Variants in CAMTA1 observed in about 807,000 individuals in gnomAD.
CAMTA1 encodes the protein calmodulin binding transcription activator 1.
Under a neutral mutation model 170.9 loss-of-function variants are expected in CAMTA1, and 27 were observed. The observed-to-expected ratio is 0.16, with a 90% CI of 0.12 to 0.22. The LOEUF is 0.22. Among genes scored for constraint, CAMTA1 ranks in the 10% least tolerant of loss-of-function variants. The pLI is 1.00. For missense variants in CAMTA1, 1,619 were observed against 2,217.2 expected, an observed-to-expected ratio of 0.73 and a Z score of 5.42; for synonymous variants, 833 against 891.5, an observed-to-expected ratio of 0.93 and a Z score of 1.17.
rs1244367342 is a variant in CAMTA1, at chr1:7,007,020, A to AAC, written c.235-84283_235-84282insCA. 8.6e-5 allele frequency among the ~76,000 whole-genome samples: 13 copies of AAC among 150,444 alleles called. No homozygotes were observed. Among genetic ancestry groups the AAC allele is most frequent in the African/African-American group, 2.2e-4 (9 of 40,844 alleles). ...AGATGGTAGTAAAAAAAAAAAAAAAAAATAAGAATTTTTGGATACGGTATT... is the reference window on the plus strand; with the variant it reads ...AGATGGTAGTAAAAAAAAAAAAAAAAACAATAAGAATTTTTGGATACGGTATT... On this transcript the variant is annotated intron_variant, in intron 3 of 22. Transcript: ENST00000303635. The surrounding 1 kb of genome is among the most constrained non-coding windows in gnomAD (Gnocchi z 4.5).
chr1:7,657,495 T>G (rs1038471829), intron 7 of CAMTA1, among the ~76,000 whole-genome samples: 1 of 152,176 alleles, frequency 6.6e-6, no homozygotes. Flanking sequence ...GTCATGACCT[T>G]ACATGTCATG....
At chr1:7,755,000 G>A (rs1429274898) in intron 21 of CAMTA1, among the ~76,000 whole-genome samples, 1 of 152,138 alleles carries the variant, frequency 6.6e-6, no homozygotes, top group Non-Finnish European at 1.5e-5. Context: ...ATTCATGTCT[G>A]TTGTCCTTAG....
At chr1:7,679,851 G>A (rs1019274989) in intron 11 of CAMTA1, among the ~76,000 whole-genome samples, 3 of 152,252 alleles carry the variant, frequency 2.0e-5, no homozygotes, top group Admixed American at 6.5e-5. Context: ...GCAGAGAGCA[G>A]ATCAGGGCCC....
At chr1:6,848,388 G>A (rs10864244) in intron 3 of CAMTA1, among the ~76,000 whole-genome samples, 31,748 of 152,046 alleles carry the variant, frequency 0.21, 3,514 homozygotes, top group East Asian at 0.29. Flanking sequence ...GTCTCAAGTG[G>A]TCCTCCCGTT....
At chr1:7,507,799 C>T (rs914516655) in intron 6 of CAMTA1, among the ~76,000 whole-genome samples, 4 of 152,188 alleles carry the variant, frequency 2.6e-5, no homozygotes, top group Non-Finnish European at 4.4e-5. Flanking sequence ...AAGCTCTGAG[C>T]GGGCAGCCTC....
intron 3 of CAMTA1, among the ~76,000 whole-genome samples, chr1:6,911,692 C>T (rs771577847): frequency 9.8e-4 from 149 of 152,324 alleles, no homozygotes; most frequent in African/African-American, 3.4e-3. Context: ...CCAGAAACCC[C>T]GCTGGTAAGG....
At chr1:7,238,055 T>C (rs548804350) in intron 4 of CAMTA1, among the ~76,000 whole-genome samples, 1 of 152,298 alleles carries the variant, frequency 6.6e-6, no homozygotes, top group East Asian at 1.9e-4. Context: ...TTAAAAAACA[T>C]ACTATTATGG....
chr1:7,103,427 T>TA (rs71582085), intron 4 of CAMTA1, among the ~76,000 whole-genome samples: 1 of 28,230 alleles, frequency 3.5e-5, no homozygotes, highest in Non-Finnish European at 6.3e-5. Context: ...CACACACACC[T>TA]ACACACACTA....
chr1:7,144,198 G>A lies in CAMTA1; in HGVS notation c.302+52827G>A, dbSNP rs1008941574. Among the ~76,000 whole-genome samples, 3 of 152,106 alleles carry A rather than the reference G, an allele frequency of 2.0e-5. No individual in the cohort carries two copies. The highest frequency in any genetic ancestry group is 2.0e-4 in the Admixed American group (3 of 15,274). ...AGGGCTCTCTTTCTGGCTTGTGGAC[G>A]ACTGCCTTCTTGCTATGTCCTCAGA... On this transcript the variant is annotated intron_variant, in intron 4 of 22. Coordinates refer to ENST00000303635, the MANE Select transcript of CAMTA1 (RefSeq NM_015215.4). This position sits in a 1 kb window ranked among gnomAD's most constrained non-coding sequence, Gnocchi z 4.0.
At chr1:7,201,511 G>T (rs1163353668) in intron 4 of CAMTA1, among the ~76,000 whole-genome samples, 2 of 152,050 alleles carry the variant, frequency 1.3e-5, no homozygotes, top group African/African-American at 4.8e-5. Flanking sequence ...TACCAGCAGG[G>T]TATGAGGGTT....
chr1:7,575,859 G>A (rs578073652), intron 6 of CAMTA1, among the ~76,000 whole-genome samples: 1 of 152,176 alleles, frequency 6.6e-6, no homozygotes, highest in African/African-American at 2.4e-5. Context: ...GCACTGCCAG[G>A]CAAGGCCATT....
Position 7,744,965 on chromosome 1 carries a change from G to A in CAMTA1, c.4313G>A (p.Ser1438Asn), listed in dbSNP as rs757767496. The A allele has an allele frequency of 1.2e-6, 2 of 1,614,182 alleles. No homozygotes were observed. The highest frequency in any genetic ancestry group is 3.3e-5 in the Admixed American group (2 of 60,022). Residue 1438 changes from serine (S) to asparagine (N), a missense_variant, in exon 17 of 23, where the codon AGC becomes AAC. Transcript: ENST00000303635. ...TDPATISSTM[S>N]WLASYLADAD... The stretch of plus-strand genomic sequence containing the variant: ...CCTGCCACCATTAGCAGTACAATGA[G>A]CTGGCTGGCCAGTTATCTAGCGGAT...
intron 11 of CAMTA1, among the ~76,000 whole-genome samples, chr1:7,684,260 C>T (rs1478800436): frequency 6.6e-6 from 1 of 152,248 alleles, no homozygotes. Flanking sequence ...GATGCAGGCT[C>T]CTCTCCCAGG....
chr1:6,868,191 A>G (rs530347510), intron 3 of CAMTA1, among the ~76,000 whole-genome samples: 2 of 152,232 alleles, frequency 1.3e-5, no homozygotes, highest in African/African-American at 2.4e-5. Flanking sequence ...TTGAGTTAAC[A>G]GCGATCTTGT....
intron 3 of CAMTA1, among the ~76,000 whole-genome samples, chr1:6,851,741 T>C (rs1297339771): frequency 6.6e-6 from 1 of 152,080 alleles, no homozygotes; most frequent in Admixed American, 6.5e-5. Context: ...TAGCTGGGCA[T>C]GATGGTTCAT....
chr1:6,809,019 T>TC (rs1479758879), intron 1 of CAMTA1, among the ~76,000 whole-genome samples: 3 of 150,968 alleles, frequency 2.0e-5, no homozygotes, highest in East Asian at 3.9e-4. Context: ...TTTTTCTTCT[T>TC]CTTCTTTTTC....
intron 6 of CAMTA1, among the ~76,000 whole-genome samples, chr1:7,511,104 G>C (rs1350959911): frequency 6.9e-6 from 1 of 145,740 alleles, no homozygotes; most frequent in East Asian, 2.2e-4. Flanking sequence ...CTGGGTGTCA[G>C]CCGAGCCTCC....
intron 3 of CAMTA1, among the ~76,000 whole-genome samples, chr1:7,011,167 G>A (rs926313730): frequency 6.6e-6 from 1 of 152,226 alleles, no homozygotes; most frequent in Non-Finnish European, 1.5e-5. Context: ...GGGTTGAAGG[G>A]TGATTCAGTG....
At chr1:7,600,722 A>G (rs561070733) in intron 6 of CAMTA1, among the ~76,000 whole-genome samples, 33 of 152,144 alleles carry the variant, frequency 2.2e-4, no homozygotes, top group African/African-American at 7.7e-4. Context: ...TGTTTAACAA[A>G]GCACATCTTG....
Sources: gnomAD v4.1 joint callset for allele counts (sites outside exome capture counted in the v4.1 genomes callset) on GRCh38, gnomAD v4.1.1 for gene constraint, Gnocchi (gnomAD v3.1) non-coding constraint, MANE v1.5 for transcripts, NCBI Gene and HGNC (gene_info 2026-07-23, HGNC 2026-07-21) for gene names.